FHIT: variants seen among roughly 807,000 people sequenced by gnomAD.
FHIT encodes the protein bis(5'-adenosyl)-triphosphatase.
A neutral mutation model predicts 17.9 loss-of-function variants in FHIT; 19 were observed. The observed-to-expected ratio is 1.06, with a 90% CI of 0.74 to 1.56. The LOEUF is 1.56. Ranked by LOEUF, FHIT falls within the 40% of genes most tolerant of loss-of-function variation. FHIT has a pLI of 0.00. For missense variants in FHIT, 248 were observed against 189.2 expected (o/e 1.31, Z -1.82); for synonymous variants, 81 against 69.7 (o/e 1.16, Z -0.81).
At chr3:60,853,493 C>A (rs782618657) in intron 3 of FHIT, among the ~76,000 whole-genome samples, 46 of 152,022 alleles carry the variant, frequency 3.0e-4, no homozygotes, top group Non-Finnish European at 6.2e-4. Flanking sequence ...GCACCCAAAA[C>A]AAACCTTGGG....
intron 3 of FHIT, among the ~76,000 whole-genome samples, chr3:60,935,502 C>T (rs549483349): frequency 3.9e-5 from 6 of 152,238 alleles, no homozygotes; most frequent in African/African-American, 9.6e-5. Context: ...AAAGAGAATA[C>T]ACAGGGAAAT....
At chr3:59,870,476 A>C (rs1702867906) in intron 8 of FHIT, among the ~76,000 whole-genome samples, 1 of 152,234 alleles carries the variant, frequency 6.6e-6, no homozygotes. Flanking sequence ...TAAAGAAAAC[A>C]ACAAAGGTAT....
intron 5 of FHIT, among the ~76,000 whole-genome samples, chr3:60,195,806 A>G (rs1702615003): frequency 6.7e-6 from 1 of 149,152 alleles, no homozygotes; most frequent in African/African-American, 2.5e-5. Flanking sequence ...GTTCTCACAT[A>G]CACAGAGGAG....
intron 2 of FHIT, among the ~76,000 whole-genome samples, chr3:61,171,662 T>C (rs2038008753): frequency 6.6e-6 from 1 of 152,180 alleles, no homozygotes; most frequent in Non-Finnish European, 1.5e-5. Context: ...TTATGGGTAT[T>C]TGTGAAATCT....
At chr3:60,559,702 A>C (rs2036864940) in intron 4 of FHIT, among the ~76,000 whole-genome samples, 1 of 152,236 alleles carries the variant, frequency 6.6e-6, no homozygotes, top group South Asian at 2.1e-4. Flanking sequence ...AAGCATATGT[A>C]TCTCTGGGCT....
chr3:60,352,313 TA>T (rs149899889), intron 5 of FHIT, among the ~76,000 whole-genome samples: 2,178 of 152,210 alleles, frequency 0.014, 55 homozygotes, highest in Admixed American at 0.068. Flanking sequence ...CCTTTAAAGG[TA>T]AAAGATTCAT....
chr3:60,774,977 A>C (rs2108082365), intron 4 of FHIT, among the ~76,000 whole-genome samples: 1 of 152,360 alleles, frequency 6.6e-6, no homozygotes, highest in Admixed American at 6.5e-5. Flanking sequence ...ACTTTGAAAC[A>C]GCAGATAATG....
At chr3:59,819,822 C>A (rs190037990) in intron 8 of FHIT, among the ~76,000 whole-genome samples, 3 of 152,272 alleles carry the variant, frequency 2.0e-5, no homozygotes, top group African/African-American at 7.2e-5. Flanking sequence ...TTAAGAGGAG[C>A]CTTTGGGGAA....
chr3:60,966,179 G>A (rs536013037), intron 3 of FHIT, among the ~76,000 whole-genome samples: 14 of 152,144 alleles, frequency 9.2e-5, no homozygotes, highest in African/African-American at 3.1e-4. Context: ...CTTGTGGTTC[G>A]AACTCAGACT....
At chr3:59,987,676 T>A (rs1206696451) in intron 7 of FHIT, among the ~76,000 whole-genome samples, 1 of 151,990 alleles carries the variant, frequency 6.6e-6, no homozygotes, top group Non-Finnish European at 1.5e-5. Flanking sequence ...AATATGCACT[T>A]TTTTTTCATC....
At chr3:59,859,078 G>C (rs377718820) in intron 8 of FHIT, among the ~76,000 whole-genome samples, 3 of 152,162 alleles carry the variant, frequency 2.0e-5, no homozygotes, top group East Asian at 3.9e-4. Context: ...GCTTGGAGAA[G>C]TGGCTGATTC....
At chr3:60,283,182 T>C (rs1193230346) in intron 5 of FHIT, among the ~76,000 whole-genome samples, 1 of 151,988 alleles carries the variant, frequency 6.6e-6, no homozygotes, top group Non-Finnish European at 1.5e-5. Context: ...TTCCTTTCAC[T>C]GGAAATCTGG....
chr3:61,154,153 C>T (rs1392090661), intron 2 of FHIT, among the ~76,000 whole-genome samples: 1 of 152,082 alleles, frequency 6.6e-6, no homozygotes, highest in African/African-American at 2.4e-5. Context: ...AAATAATTAC[C>T]AGGCTCGCAC....
intron 8 of FHIT, among the ~76,000 whole-genome samples, chr3:59,907,619 G>A (rs183550780): frequency 1.0e-3 from 154 of 152,338 alleles, no homozygotes; most frequent in Non-Finnish European, 1.6e-3. Flanking sequence ...GTGCATGTGT[G>A]CACTGGGGCA....
chr3:60,714,613 A>G (rs1306469064), intron 4 of FHIT, among the ~76,000 whole-genome samples: 1 of 152,198 alleles, frequency 6.6e-6, no homozygotes, highest in Non-Finnish European at 1.5e-5. Context: ...AATGTACAAA[A>G]ATCACAAGCA....
At position 60,407,067 on chromosome 3, in the gene FHIT, A is replaced by ATTTTT. The variant is rs34542104; in HGVS notation, c.103+129788_103+129792dup. On this transcript the variant is annotated intron_variant, in intron 5 of 9. Transcript: ENST00000492590. ...GTGAACTACTCAAAGCCTGCCAATA[A>ATTTTT]TTTTTTTTTTTTTTTTTTTTTTTTT... is the stretch of plus-strand genomic sequence containing the variant. 4.6e-3 allele frequency among the ~76,000 whole-genome samples: 292 copies of ATTTTT among 62,910 alleles called. 29 individuals carry two copies. Among genetic ancestry groups the ATTTTT allele is most frequent in the African/African-American group, 0.019 (269 of 14,392 alleles). The allele number at this position is 62,910 out of a possible 152,430, so 41.3% of individuals were successfully genotyped here.
intron 5 of FHIT, among the ~76,000 whole-genome samples, chr3:60,512,159 A>G (rs548029161): frequency 1.3e-4 from 20 of 152,342 alleles, no homozygotes; most frequent in Admixed American, 8.5e-4. Context: ...TTATTGTGGA[A>G]CAAGACATGT....
chr3:60,672,281 C>T (rs539840130), intron 4 of FHIT, among the ~76,000 whole-genome samples: 85 of 151,826 alleles, frequency 5.6e-4, no homozygotes, highest in Non-Finnish European at 8.1e-4. Flanking sequence ...TGGGTGCAGG[C>T]GGGCTGAGTC....
intron 8 of FHIT, among the ~76,000 whole-genome samples, chr3:59,844,654 A>G (rs1324784587): frequency 6.6e-6 from 1 of 152,024 alleles, no homozygotes; most frequent in Non-Finnish European, 1.5e-5. Flanking sequence ...CCATCCATAC[A>G]CTCCAAGAAT....
Sources: gnomAD v4.1 joint callset for allele counts (sites outside exome capture counted in the v4.1 genomes callset) on GRCh38, gnomAD v4.1.1 for gene constraint, MANE v1.5 for transcripts, NCBI Gene and HGNC (gene_info 2026-07-23, HGNC 2026-07-21) for gene names.